APH1B: variants seen among roughly 807,000 people sequenced by gnomAD.
The protein encoded by APH1B is aph-1B gamma-secretase subunit.
A neutral mutation model predicts 28.2 loss-of-function variants in APH1B; 27 were observed. The observed-to-expected ratio is 0.96, with a 90% CI of 0.70 to 1.32. The LOEUF is 1.32. APH1B is among the 40% of genes most tolerant of loss of function. APH1B has a pLI of 0.00. For synonymous variants in APH1B, 141 were observed against 124.6 expected (o/e 1.13, Z -0.88); for missense variants, 305 against 313.6 (o/e 0.97, Z 0.21).
chr15:63,284,046 G>A (rs747457132), intron 2 of APH1B, among the ~76,000 whole-genome samples: 2 of 152,148 alleles, frequency 1.3e-5, no homozygotes, highest in African/African-American at 2.4e-5. Flanking sequence ...TAATCTGTGT[G>A]TCTGCCCTTA....
chr15:63,302,053 G>T (rs965814923), intron 4 of APH1B, among the ~76,000 whole-genome samples: 1 of 152,208 alleles, frequency 6.6e-6, no homozygotes, highest in Admixed American at 6.5e-5. Flanking sequence ...CTGGGAAAAA[G>T]CTGGCTGGAC....
intron 4 of APH1B, among the ~76,000 whole-genome samples, chr15:63,289,886 C>A (rs1190784707): frequency 6.6e-6 from 1 of 152,088 alleles, no homozygotes; most frequent in Non-Finnish European, 1.5e-5. Context: ...CACCCATGGT[C>A]CCAGCTACTC....
In APH1B at chr15:63,307,404, G is replaced by T. The variant is rs747156036; in HGVS notation, c.*1623G>T. The T allele has an allele frequency of 2.0e-5, 3 of 152,090 alleles. No homozygotes were observed. Among genetic ancestry groups the T allele is most frequent in the Non-Finnish European group, 2.9e-5 (2 of 68,000 alleles). 9.4% of individuals were successfully genotyped at this position (152,090 alleles called of 1,614,324 possible). ...ATAATAGAGATAAAAGAAGAGGAGG[G>T]CTTCTATCAATGCTGTAAACAGTCT... is the stretch of plus-strand genomic sequence containing the variant. On this transcript the variant is annotated 3_prime_UTR_variant, in exon 6 of 6. Coordinates refer to ENST00000261879, the MANE Select transcript of APH1B (RefSeq NM_031301.4).
chr15:63,290,200 C>T (rs901808652), intron 4 of APH1B, among the ~76,000 whole-genome samples: 1 of 152,078 alleles, frequency 6.6e-6, no homozygotes, highest in South Asian at 2.1e-4. Context: ...CTATATGATA[C>T]CTGTGTGTAC....
rs747064305 is a variant in APH1B at position 63,302,344 on chromosome 15, G to C, written c.479-1G>C. 6.2e-7 allele frequency: 1 copy of C among 1,613,708 alleles called. No individual in the cohort carries two copies. Among genetic ancestry groups the C allele is most frequent in the South Asian group, 1.1e-5 (1 of 90,996 alleles). ...GACACTAATGGTCGGCTCTCTTTCA[G>C]CTTTCATGACGCTGGTCATTATCTT... On this transcript the variant is annotated splice_acceptor_variant, in intron 4 of 5. Transcript: ENST00000261879. LOFTEE classifies it high-confidence loss of function.
chr15:63,282,842 G>A (rs770512143), intron 2 of APH1B, among the ~76,000 whole-genome samples: 8 of 152,092 alleles, frequency 5.3e-5, no homozygotes, highest in Non-Finnish European at 7.4e-5. Context: ...TGAAAATGGC[G>A]TATTTAACTT....
chr15:63,302,259 A>G, intron 4 of APH1B, 86 bp from the exon 5 acceptor site: 5 of 1,489,638 alleles, frequency 3.4e-6, no homozygotes, highest in Non-Finnish European at 4.5e-6. Context: ...GGTGTGGTGG[A>G]CACCCCGAGA....
At chr15:63,291,270 A>T (rs1203495782) in intron 4 of APH1B, among the ~76,000 whole-genome samples, 2 of 152,250 alleles carry the variant, frequency 1.3e-5, no homozygotes, top group Admixed American at 1.3e-4. Flanking sequence ...TGGGTTTTTC[A>T]TTCCGAATTA....
intron 1 of APH1B, 36 bp downstream of exon 1, chr15:63,277,772 G>A: frequency 1.3e-6 from 2 of 1,585,862 alleles, no homozygotes; most frequent in Non-Finnish European, 1.7e-6. Flanking sequence ...GGACGCCGGG[G>A]CTCCCCTCCC....
intron 2 of APH1B, among the ~76,000 whole-genome samples, chr15:63,281,389 C>T (rs192616615): frequency 6.6e-6 from 1 of 150,758 alleles, no homozygotes; most frequent in East Asian, 1.9e-4. Flanking sequence ...GTGCTCAGAA[C>T]CCAGCATGGT....
At chr15:63,277,932 C>A in intron 1 of APH1B, 196 bp downstream of exon 1, 1 of 593,364 alleles carries the variant, frequency 1.7e-6, no homozygotes, top group Non-Finnish European at 2.9e-6. Context: ...CACTGGGGGT[C>A]AGGGCCTTTT....
At chr15:63,288,032 C>T (rs544891280) in intron 4 of APH1B, among the ~76,000 whole-genome samples, 8 of 152,226 alleles carry the variant, frequency 5.3e-5, no homozygotes, top group South Asian at 4.1e-4. Flanking sequence ...TTTTCGTCCA[C>T]GAGCTAAAAA....
chr15:63,287,161 T>G (rs935206552), intron 3 of APH1B: 2 of 359,314 alleles, frequency 5.6e-6, no homozygotes, highest in Non-Finnish European at 5.1e-6. Context: ...TCTCACCTAT[T>G]TCTTCTGTGC....
intron 4 of APH1B, among the ~76,000 whole-genome samples, chr15:63,293,201 G>T (rs567439569): frequency 8.0e-5 from 12 of 150,222 alleles, no homozygotes; most frequent in Non-Finnish European, 1.6e-4. Flanking sequence ...GTCTTACTCT[G>T]TTGCCCAGGC....
Position 63,286,389 on chromosome 15 carries a change from A to C in APH1B, c.285-169A>C, listed in dbSNP as rs1041418492. On this transcript the variant is annotated intron_variant, in intron 2 of 5. Coordinates refer to ENST00000261879, the MANE Select transcript of APH1B (RefSeq NM_031301.4). ...TGGCAATTTTGGTTGATGTTAGTTC[A>C]TTGAAAATTTGCTGGGTTTGTTTAA... 4.6e-5 allele frequency among the ~76,000 whole-genome samples: 7 copies of C among 152,318 alleles called. No individual in the cohort carries two copies. The East Asian group carries it at 1.3e-3, about 29-fold the overall frequency.
chr15:63,278,690 A>C (rs1316751668), intron 1 of APH1B, among the ~76,000 whole-genome samples: 1 of 152,256 alleles, frequency 6.6e-6, no homozygotes, highest in East Asian at 1.9e-4. Flanking sequence ...ATAGAGATGT[A>C]GATATTTTTC....
At chr15:63,285,018 A>T (rs1204777743) in intron 2 of APH1B, among the ~76,000 whole-genome samples, 1 of 152,210 alleles carries the variant, frequency 6.6e-6, no homozygotes, top group Non-Finnish European at 1.5e-5. Context: ...GTTTATTTTT[A>T]GGAAAATTGG....
chr15:63,278,265 T>A (rs1208936780), intron 1 of APH1B: 5 of 438,378 alleles, frequency 1.1e-5, no homozygotes, highest in South Asian at 6.6e-5. Context: ...AAATTTAAGC[T>A]CCTTTTGGAT....
chr15:63,298,557 T>C (rs1027194169), intron 4 of APH1B, among the ~76,000 whole-genome samples: 1 of 152,166 alleles, frequency 6.6e-6, no homozygotes, highest in African/African-American at 2.4e-5. Context: ...GACTTGGATA[T>C]AAATGGTCAT....
Sources: allele counts gnomAD v4.1 joint callset (sites outside exome capture counted in the v4.1 genomes callset), GRCh38; gene constraint gnomAD v4.1.1; transcripts MANE v1.5; gene names NCBI Gene and HGNC (gene_info 2026-07-23, HGNC 2026-07-21).